CNDP1: variants seen among roughly 807,000 people sequenced by gnomAD.
The protein encoded by CNDP1 is beta-Ala-His dipeptidase.
CNDP1 carries 44 observed loss-of-function variants against 58.1 expected under a neutral mutation model. The ratio of observed to expected loss-of-function variants is 0.76; its 90% CI spans 0.60 to 0.97. The LOEUF (loss-of-function observed/expected upper bound fraction) is 0.97, where lower values mean the gene tolerates loss of function less well. CNDP1 is among the 50% of genes least tolerant of loss of function. The pLI, the probability that CNDP1 is intolerant of heterozygous loss-of-function variation, is 0.00. For synonymous variants in CNDP1, 254 were observed against 252.6 expected (o/e 1.01, Z -0.05); for missense variants, 616 against 655.1 (o/e 0.94, Z 0.65).
intron 1 of CNDP1, among the ~76,000 whole-genome samples, chr18:74,555,178 G>T (rs1981005931): frequency 6.6e-6 from 1 of 152,148 alleles, no homozygotes; most frequent in Admixed American, 6.5e-5. Context: ...AACAATAAAA[G>T]ATGGGATTCC....
intron 3 of CNDP1, among the ~76,000 whole-genome samples, chr18:74,560,398 G>T (rs1374870054): frequency 1.3e-5 from 2 of 151,834 alleles, no homozygotes; most frequent in Admixed American, 1.3e-4. Flanking sequence ...CTTTTGATTA[G>T]GTTTTATATC....
rs775113369 is a variant in CNDP1 at position 74,583,687 on chromosome 18, C to G, written c.1436C>G (p.Ser479Trp). Residue 479 changes from serine to tryptophan, a missense_variant, in exon 11 of 12, where the codon TCG becomes TGG. By Grantham distance (177) the Ser-to-Trp change is radical. Coordinates refer to ENST00000358821, the MANE Select transcript of CNDP1 (RefSeq NM_032649.6). The stretch of plus-strand genomic sequence containing the variant: ...GGAGCTGTTGATGATGGAGAACATT[C>G]GCAGAATGAGAAAATCAACAGGTCA... ...PLGAVDDGEHSQNEKINRWNY... is the reference protein window; with the variant it reads ...PLGAVDDGEHWQNEKINRWNY... The G allele has an allele frequency of 1.9e-6, 3 of 1,614,132 alleles. No individual in the cohort carries two copies. The highest frequency in any genetic ancestry group is 3.3e-5 in the Admixed American group (2 of 60,014).
At chr18:74,578,135 T>A in intron 8 of CNDP1, 28 bp from the exon 9 acceptor site, 2 of 1,590,218 alleles carry the variant, frequency 1.3e-6, no homozygotes, top group African/African-American at 1.4e-5. Context: ...TAATTAAGCA[T>A]CCTTTGGATA....
chr18:74,564,208 T>C (rs1981271474), intron 5 of CNDP1, among the ~76,000 whole-genome samples: 1 of 152,212 alleles, frequency 6.6e-6, no homozygotes. Flanking sequence ...GTGTGCGGTG[T>C]CGTTTATCTG....
In CNDP1 at chr18:74,556,612, T is replaced by A. The variant is rs1981048693; in HGVS notation, c.153+146T>A. 25 of 903,670 alleles carry A rather than the reference T, an allele frequency of 2.8e-5. No homozygotes were observed. In the South Asian group the frequency reaches 3.2e-4, roughly 11 times the overall value. The allele number at this position is 903,670 out of a possible 1,614,324, so 56.0% of individuals were successfully genotyped here. A position where few individuals can be genotyped will look rare whatever the true frequency, so the allele number is the denominator to read the frequency against. ...CTATGACTGCTCATTGGGTTAAAAA[T>A]CTTCAGTATTCATTAGACAGATGGA... On this transcript the variant is annotated intron_variant, in intron 2 of 11. Transcript: ENST00000358821.
chr18:74,548,624 G>A (rs1238804300), intron 1 of CNDP1, among the ~76,000 whole-genome samples: 1 of 152,214 alleles, frequency 6.6e-6, no homozygotes, highest in Non-Finnish European at 1.5e-5. Flanking sequence ...ACCTGAAAAT[G>A]TGGAGGCAAC....
chr18:74,581,984 C>A (rs936574284), intron 10 of CNDP1, among the ~76,000 whole-genome samples: 5 of 152,238 alleles, frequency 3.3e-5, no homozygotes, highest in African/African-American at 1.2e-4. Context: ...GTTATCAGTA[C>A]AAGGGACACA....
Position 74,567,211 on chromosome 18 carries a change from T to G in CNDP1, c.556-22T>G, listed in dbSNP as rs779426008. 2.5e-6 allele frequency: 4 copies of G among 1,606,720 alleles called. No homozygotes were observed. The South Asian group carries it at 4.4e-5, about 18-fold the overall frequency. On this transcript the variant is annotated intron_variant, in intron 5 of 11. Transcript: ENST00000358821. ...ACCACATCAGGCAACTTGTGCAATT[T>G]TTTTCTTCTGTTGTTACTTAGGATC... is the stretch of plus-strand genomic sequence containing the variant.
chr18:74,556,293 C>T, intron 1 of CNDP1, 45 bp from the exon 2 acceptor site: 1 of 1,598,220 alleles, frequency 6.3e-7, no homozygotes, highest in South Asian at 1.1e-5. Context: ...AGTCCAGCAA[C>T]TGGCATTGAT....
Position 74,579,166 on chromosome 18 carries a change from T to TCTC in CNDP1, c.1167+841_1167+843dup, listed in dbSNP as rs1255659819. ...TCTCTCCTGCCCTCTCTCCTCCCTC[T>TCTC]CTCCCTTCTCCCTTCTCCCTTTCCT... On this transcript the variant is annotated intron_variant, in intron 9 of 11. Coordinates refer to ENST00000358821, the MANE Select transcript of CNDP1 (RefSeq NM_032649.6). 3.4e-4 allele frequency among the ~76,000 whole-genome samples: 47 copies of TCTC among 138,114 alleles called. No individual in the cohort carries two copies. The Middle Eastern group carries it at 0.011, about 32-fold the overall frequency. 90.6% of individuals were successfully genotyped at this position (138,114 alleles called of 152,430 possible).
chr18:74,568,689 G>A lies in CNDP1; in HGVS notation c.756+1256G>A, dbSNP rs59653331. ...GTCCTAGAGCTTTTTCCCTCTTAGC[G>A]TCCATTTTTTTCTGTTTAGTAGGAA... On this transcript the variant is annotated intron_variant, in intron 6 of 11. Coordinates refer to ENST00000358821, the MANE Select transcript of CNDP1 (RefSeq NM_032649.6). Among the ~76,000 whole-genome samples the A allele has an allele frequency of 1.7e-3, 265 of 152,210 alleles. 1 individual carries two copies. The highest frequency in any genetic ancestry group is 5.9e-3 in the African/African-American group (246 of 41,496).
At position 74,580,243 on chromosome 18, in the gene CNDP1, T is replaced by C. The variant is rs1981755553; in HGVS notation, c.1281T>C (p.Tyr427=). 1 of 1,614,064 alleles carries C rather than the reference T, an allele frequency of 6.2e-7. No homozygotes were observed. Among genetic ancestry groups the C allele is most frequent in the African/African-American group, 1.3e-5 (1 of 74,928 alleles). The change falls in exon 10 of 12, where the codon TAT becomes TAC. Residue 427 remains tyrosine, a synonymous_variant. Transcript: ENST00000358821. The part of the protein sequence containing the change: ...PWIANIDDTQ[Y]LAAKRAIRTV... The stretch of plus-strand genomic sequence containing the variant: ...TTGCAAATATTGATGACACCCAGTA[T>C]CTCGCAGCAAAAAGAGCGATCAGAA...
At chr18:74,556,071 C>T (rs897276345) in intron 1 of CNDP1, among the ~76,000 whole-genome samples, 2 of 152,178 alleles carry the variant, frequency 1.3e-5, no homozygotes, top group African/African-American at 4.8e-5. Context: ...ACACCTTATC[C>T]TAGGAATAAA....
intron 5 of CNDP1, among the ~76,000 whole-genome samples, chr18:74,562,565 T>G (rs2144658380): frequency 6.6e-6 from 1 of 152,352 alleles, no homozygotes; most frequent in Middle Eastern, 3.4e-3. Flanking sequence ...CACACACATT[T>G]TTAAAATGTA....
rs1354609654 is a variant in CNDP1 at position 74,545,692 on chromosome 18, T to C, written c.25-10646T>C. Among the ~76,000 whole-genome samples the C allele has an allele frequency of 2.0e-5, 3 of 152,180 alleles. No homozygotes were observed. The highest frequency in any genetic ancestry group is 4.4e-5 in the Non-Finnish European group (3 of 68,034). ...TCTGCTGTTCTGCGGCCGGAACATC[T>C]TAATTTCACGTGCTGCCCCCTGAGA... On this transcript the variant is annotated intron_variant, in intron 1 of 11. Transcript: ENST00000358821. This position sits in a 1 kb window ranked among gnomAD's most constrained non-coding sequence, Gnocchi z 4.1.
At chr18:74,559,617 C>T (rs886844300) in intron 3 of CNDP1, 145 bp downstream of exon 3, 5 of 762,086 alleles carry the variant, frequency 6.6e-6, no homozygotes, top group East Asian at 2.8e-5. Flanking sequence ...GAAACATTCC[C>T]CTGGTCTCAA....
rs1016658094 is a variant in CNDP1, at chr18:74,586,043, T to C, written c.*1481T>C. On this transcript the variant is annotated 3_prime_UTR_variant, in exon 12 of 12. Coordinates refer to ENST00000358821, the MANE Select transcript of CNDP1 (RefSeq NM_032649.6). ...AAGCAGAACACATTTGCGTTCAACT[T>C]TTTTCCATCACTCTGTTGGTTCTTG... 3 of 151,952 alleles carry C rather than the reference T, an allele frequency of 2.0e-5. No individual in the cohort carries two copies. Among genetic ancestry groups the C allele is most frequent in the Non-Finnish European group, 4.4e-5 (3 of 68,018 alleles). 9.4% of individuals were successfully genotyped at this position (151,952 alleles called of 1,614,324 possible).
rs1261316499 is a variant in CNDP1, at chr18:74,567,314, G to A, written c.637G>A (p.Glu213Lys). The change falls in exon 6 of 12, where the codon GAA (glutamate) becomes AAA (lysine). Residue 213 changes from glutamate (E) to lysine (K), a missense_variant. By Grantham distance (56) the Glu-to-Lys change is moderately conservative. Transcript: ENST00000358821. The part of the protein sequence containing the change: ...SVALEELVEK[E>K]KDRFFSGVDY... ...TGCCCTGGAGGAACTTGTGGAAAAA[G>A]AAAAGGACCGATTCTTCTCTGGTGT... is the stretch of plus-strand genomic sequence containing the variant. 5.0e-6 allele frequency: 8 copies of A among 1,614,188 alleles called. No individual in the cohort carries two copies. Among genetic ancestry groups the A allele is most frequent in the Non-Finnish European group, 6.8e-6 (8 of 1,180,012 alleles).
chr18:74,556,360 T>C lies in CNDP1; in HGVS notation c.47T>C (p.Leu16Pro). The change falls in exon 2 of 12, where the codon CTG (leucine) becomes CCG (proline). Residue 16 changes from leucine to proline, a missense_variant. Coordinates refer to ENST00000358821, the MANE Select transcript of CNDP1 (RefSeq NM_032649.6). ...CAGGCTGCGTCCCTGCTGGCTGTGC[T>C]GCTGCTGCTGCTGGAGCGCGGCATG... ...GRMAASLLAV[L>P]LLLLERGMFS... is the part of the protein sequence containing the mutation. 2 of 1,609,846 alleles carry C rather than the reference T, an allele frequency of 1.2e-6. No homozygotes were observed. The highest frequency in any genetic ancestry group is 8.5e-7 in the Non-Finnish European group (1 of 1,178,512).
Sources: gnomAD v4.1 joint callset for allele counts (sites outside exome capture counted in the v4.1 genomes callset) on GRCh38, gnomAD v4.1.1 for gene constraint, Gnocchi (gnomAD v3.1) non-coding constraint, MANE v1.5 for transcripts, NCBI Gene and HGNC (gene_info 2026-07-23, HGNC 2026-07-21) for gene names.